The following PRICKLE1 variants were observed in gnomAD, a reference collection of about 807,000 sequenced individuals.
PRICKLE1 encodes prickle planar cell polarity protein 1.
A neutral mutation model predicts 70.2 loss-of-function variants in PRICKLE1; 14 were observed. The ratio of observed to expected loss-of-function variants is 0.20; its 90% CI spans 0.13 to 0.31. The LOEUF (loss-of-function observed/expected upper bound fraction) is 0.31, where lower values mean the gene tolerates loss of function less well. Ranked by LOEUF, PRICKLE1 falls within the 10% of genes least tolerant of loss-of-function variation. The pLI is 1.00. For missense variants in PRICKLE1, 821 were observed against 1,026.2 expected (o/e 0.80, Z 2.73); for synonymous variants, 357 against 379.9 (o/e 0.94, Z 0.70).
At chr12:42,560,676 T>A (rs1318418234) in intron 1 of PRICKLE1, among the ~76,000 whole-genome samples, 1 of 152,042 alleles carries the variant, frequency 6.6e-6, no homozygotes, top group Admixed American at 6.6e-5. Flanking sequence ...TGGCTCTTAC[T>A]ATTCACAACT....
chr12:42,502,008 T>C (rs1939319015), intron 1 of PRICKLE1, among the ~76,000 whole-genome samples: 1 of 152,134 alleles, frequency 6.6e-6, no homozygotes, highest in Non-Finnish European at 1.5e-5. Context: ...CCATGCTACT[T>C]CTAGAAGCCC....
At chr12:42,548,656 G>A (rs1474683773) in intron 1 of PRICKLE1, among the ~76,000 whole-genome samples, 1 of 152,186 alleles carries the variant, frequency 6.6e-6, no homozygotes, top group Non-Finnish European at 1.5e-5. Context: ...AAGAAGAGGA[G>A]GTGGGATTTG....
At chr12:42,528,959 T>C (rs1592004631) in intron 1 of PRICKLE1, among the ~76,000 whole-genome samples, 1 of 152,208 alleles carries the variant, frequency 6.6e-6, no homozygotes, top group South Asian at 2.1e-4. Flanking sequence ...GATGACTCTT[T>C]GCCTCTAAGC....
At chr12:42,490,193 C>T (rs538140952) in intron 1 of PRICKLE1, among the ~76,000 whole-genome samples, 5 of 152,248 alleles carry the variant, frequency 3.3e-5, no homozygotes, top group East Asian at 1.9e-4. Context: ...TACGTCAATT[C>T]GGTAAGAAGT....
At chr12:42,475,524 G>A (rs1215133913) in intron 1 of PRICKLE1, among the ~76,000 whole-genome samples, 1 of 152,092 alleles carries the variant, frequency 6.6e-6, no homozygotes, top group African/African-American at 2.4e-5. Context: ...GGGGAGTGCT[G>A]ATGGAGCCAA....
Position 42,456,829 on chromosome 12 carries a change from GTAGA to G in PRICKLE1, c.*2976_*2979del, listed in dbSNP as rs1365134245. 6.6e-6 allele frequency: 1 copy of G among 152,132 alleles called. No homozygotes were observed. Among genetic ancestry groups the G allele is most frequent in the Non-Finnish European group, 1.5e-5 (1 of 68,040 alleles). 9.4% of individuals were successfully genotyped at this position (152,132 alleles called of 1,614,324 possible). A position where few individuals can be genotyped will look rare whatever the true frequency, so the allele number is the denominator to read the frequency against. ...AAGGCAGTTGCTTCTTTCTTCCGTTGTAGATAGTCTTCTGTTATTGCTACAAACT... is the reference window on the plus strand; with the variant it reads ...AAGGCAGTTGCTTCTTTCTTCCGTTGTAGTCTTCTGTTATTGCTACAAACT... On this transcript the variant is annotated 3_prime_UTR_variant, in exon 8 of 8. Transcript: ENST00000345127.
At chr12:42,560,365 C>T (rs956834126) in intron 1 of PRICKLE1, among the ~76,000 whole-genome samples, 1 of 151,922 alleles carries the variant, frequency 6.6e-6, no homozygotes, top group African/African-American at 2.4e-5. Context: ...AACTCCTGAC[C>T]TCAGGTGATC....
intron 1 of PRICKLE1, among the ~76,000 whole-genome samples, chr12:42,493,117 A>G (rs939139131): frequency 2.6e-5 from 4 of 152,226 alleles, no homozygotes; most frequent in Admixed American, 6.5e-5. Flanking sequence ...AAATATTTAA[A>G]GAAATCTCAA....
At chr12:42,513,563 G>A (rs1252107344) in intron 1 of PRICKLE1, among the ~76,000 whole-genome samples, 4 of 149,252 alleles carry the variant, frequency 2.7e-5, no homozygotes, top group African/African-American at 9.9e-5. Context: ...ATGCTGTTGG[G>A]CTGGAAAAAA....
intron 1 of PRICKLE1, among the ~76,000 whole-genome samples, chr12:42,569,648 A>G (rs1940676252): frequency 6.6e-6 from 1 of 152,226 alleles, no homozygotes; most frequent in South Asian, 2.1e-4. Context: ...TCTTAGAGAA[A>G]AAGTGAGGCA....
intron 1 of PRICKLE1, among the ~76,000 whole-genome samples, chr12:42,554,270 C>G (rs1479281880): frequency 6.6e-6 from 1 of 152,068 alleles, no homozygotes; most frequent in Non-Finnish European, 1.5e-5. Flanking sequence ...GCATGTAAGT[C>G]TTGATATGTT....
intron 1 of PRICKLE1, among the ~76,000 whole-genome samples, chr12:42,477,427 CATAT>C (rs1938592550): frequency 1.1e-5 from 1 of 94,442 alleles, no homozygotes; most frequent in Non-Finnish European, 2.2e-5. Flanking sequence ...TATGTATATA[CATAT>C]GTATATATGT....
At chr12:42,534,737 C>A (rs1435812411) in intron 1 of PRICKLE1, among the ~76,000 whole-genome samples, 2 of 151,992 alleles carry the variant, frequency 1.3e-5, no homozygotes, top group Admixed American at 6.6e-5. Flanking sequence ...ATGTTCATTA[C>A]CCCCACAATG....
intron 1 of PRICKLE1, among the ~76,000 whole-genome samples, chr12:42,564,200 G>A (rs907211953): frequency 1.5e-5 from 2 of 135,688 alleles, no homozygotes; most frequent in Non-Finnish European, 3.1e-5. Flanking sequence ...AGGTTGCAGT[G>A]AGCCAAGATC....
intron 1 of PRICKLE1, among the ~76,000 whole-genome samples, chr12:42,560,283 C>T (rs1034666407): frequency 6.6e-6 from 1 of 151,744 alleles, no homozygotes; most frequent in Non-Finnish European, 1.5e-5. Flanking sequence ...GATTTGAAGT[C>T]CCACCATGCC....
intron 1 of PRICKLE1, among the ~76,000 whole-genome samples, chr12:42,512,195 G>T (rs1232946770): frequency 5.9e-5 from 9 of 152,150 alleles, no homozygotes; most frequent in African/African-American, 2.2e-4. Flanking sequence ...TTTGGAGACA[G>T]AATCTTGCTC....
chr12:42,576,593 C>T (rs186243176), intron 1 of PRICKLE1, among the ~76,000 whole-genome samples: 3 of 152,272 alleles, frequency 2.0e-5, no homozygotes, highest in Admixed American at 6.5e-5. Flanking sequence ...TTCAAACTGG[C>T]GATTATTAAT....
chr12:42,486,949 T>C (rs1426877347), intron 1 of PRICKLE1, among the ~76,000 whole-genome samples: 2 of 152,180 alleles, frequency 1.3e-5, no homozygotes, highest in African/African-American at 4.8e-5. Flanking sequence ...TAGTATTAAA[T>C]AGGGTGGCAG....
chr12:42,466,030 T>C, intron 6 of PRICKLE1, 164 bp downstream of exon 6: 1 of 751,414 alleles, frequency 1.3e-6, no homozygotes, highest in East Asian at 2.7e-5. Context: ...AACTCTCTGT[T>C]CATTTGTCAA....
Sources: allele counts gnomAD v4.1 joint callset (sites outside exome capture counted in the v4.1 genomes callset), GRCh38; gene constraint gnomAD v4.1.1; transcripts MANE v1.5; gene names NCBI Gene and HGNC (gene_info 2026-07-23, HGNC 2026-07-21).